Variants in NRG1 observed in about 807,000 individuals in gnomAD.
The protein encoded by NRG1 is pro-neuregulin-1, membrane-bound isoform.
NRG1 carries 18 observed loss-of-function variants against 63.8 expected under a neutral mutation model. That is an observed-to-expected ratio of 0.28 (90% CI 0.19 to 0.42). The LOEUF (loss-of-function observed/expected upper bound fraction) is 0.42, where lower values mean the gene tolerates loss of function less well. Among genes scored for constraint, NRG1 ranks in the 10% least tolerant of loss-of-function variants. The pLI, the probability that NRG1 is intolerant of heterozygous loss-of-function variation, is 1.00. For missense variants in NRG1, 762 were observed against 814.7 expected (o/e 0.94, Z 0.79); for synonymous variants, 302 against 301.3 (o/e 1.00, Z -0.02).
At chr8:32,629,251 A>G (rs1421580310) in intron 5 of NRG1, among the ~76,000 whole-genome samples, 1 of 152,092 alleles carries the variant, frequency 6.6e-6, no homozygotes, top group Non-Finnish European at 1.5e-5. Context: ...ACTATCTTCT[A>G]GTCCCCAGCA....
chr8:31,817,288 T>A (rs1823549702), intron 1 of NRG1, among the ~76,000 whole-genome samples: 1 of 152,248 alleles, frequency 6.6e-6, no homozygotes, highest in Non-Finnish European at 1.5e-5. Flanking sequence ...TTCTGCTGTC[T>A]CACAGAGACT....
At chr8:32,568,113 A>G (rs986404663) in intron 1 of NRG1, among the ~76,000 whole-genome samples, 1 of 152,212 alleles carries the variant, frequency 6.6e-6, no homozygotes, top group East Asian at 1.9e-4. Context: ...GCAGAAAATA[A>G]TATGGTTAGG....
At chr8:32,033,379 C>A (rs1818572803) in intron 1 of NRG1, among the ~76,000 whole-genome samples, 1 of 152,148 alleles carries the variant, frequency 6.6e-6, no homozygotes, top group Non-Finnish European at 1.5e-5. Context: ...AGTTGTATAG[C>A]ATGATGCCTC....
intron 1 of NRG1, among the ~76,000 whole-genome samples, chr8:31,912,284 T>C (rs1833007632): frequency 6.6e-6 from 1 of 152,222 alleles, no homozygotes; most frequent in Non-Finnish European, 1.5e-5. Context: ...TGCACCATCT[T>C]ACTTTTTGGT....
intron 1 of NRG1, among the ~76,000 whole-genome samples, chr8:32,183,654 T>A (rs1020073308): frequency 1.3e-5 from 2 of 152,204 alleles, no homozygotes; most frequent in African/African-American, 4.8e-5. Flanking sequence ...AGCCTTCAGG[T>A]TAATAAATTT....
intron 1 of NRG1, among the ~76,000 whole-genome samples, chr8:32,311,138 T>C (rs147614276): frequency 1.3e-5 from 2 of 152,262 alleles, no homozygotes; most frequent in East Asian, 1.9e-4. Context: ...CATTCAGTCA[T>C]TCATTCATTC....
At chr8:32,303,597 T>C (rs1055455742) in intron 1 of NRG1, among the ~76,000 whole-genome samples, 1 of 152,236 alleles carries the variant, frequency 6.6e-6, no homozygotes, top group African/African-American at 2.4e-5. Context: ...GTGGTGCCAG[T>C]TTTATTTCAA....
intron 1 of NRG1, among the ~76,000 whole-genome samples, chr8:32,510,122 A>AATAATAATAATCATAATC (rs1554566691): frequency 6.8e-5 from 8 of 116,830 alleles, no homozygotes; most frequent in African/African-American, 2.3e-4. Flanking sequence ...TAATAATAAT[A>AATAATAATAATCATAATC]ATAATCATAA....
chr8:32,260,919 A>G (rs1251353200), intron 1 of NRG1, among the ~76,000 whole-genome samples: 1 of 152,168 alleles, frequency 6.6e-6, no homozygotes, highest in African/African-American at 2.4e-5. Context: ...TGTTACTTAC[A>G]GTTTAAGTTA....
At chr8:31,763,794 C>CA (rs1305721691) in intron 1 of NRG1, among the ~76,000 whole-genome samples, 1 of 151,966 alleles carries the variant, frequency 6.6e-6, no homozygotes, top group Non-Finnish European at 1.5e-5. Flanking sequence ...ACTAAAAATA[C>CA]AAAAAATTAG....
chr8:32,728,486 C>A (rs947825221), intron 6 of NRG1: 6 of 984,944 alleles, frequency 6.1e-6, no homozygotes, highest in Non-Finnish European at 7.2e-6. Context: ...TGATCACCTG[C>A]CAAATGAATA....
chr8:32,088,547 C>A (rs1828628981), intron 1 of NRG1, among the ~76,000 whole-genome samples: 1 of 142,256 alleles, frequency 7.0e-6, no homozygotes, highest in African/African-American at 2.6e-5. Flanking sequence ...GAGACAAAGT[C>A]TCAGTCTGTT....
At chr8:32,521,263 G>A (rs989260308) in intron 1 of NRG1, among the ~76,000 whole-genome samples, 5 of 152,106 alleles carry the variant, frequency 3.3e-5, no homozygotes, top group South Asian at 4.1e-4. Flanking sequence ...TTTTTTGTCT[G>A]TCTTTCCCTA....
chr8:32,628,733 C>T (rs926052162), intron 5 of NRG1, among the ~76,000 whole-genome samples: 5 of 138,142 alleles, frequency 3.6e-5, no homozygotes, highest in Admixed American at 7.3e-5. Context: ...ACTTTCTGCC[C>T]TTTTTTTTTT....
At chr8:32,196,118 AGTGTGTGTGT>A (rs55951634) in intron 1 of NRG1, among the ~76,000 whole-genome samples, 2 of 146,950 alleles carry the variant, frequency 1.4e-5, no homozygotes, top group South Asian at 2.2e-4. Flanking sequence ...AAAAACAATG[AGTGTGTGTGT>A]GTGTGTGTGT....
At chr8:32,093,075 G>C (rs1829412790) in intron 1 of NRG1, among the ~76,000 whole-genome samples, 1 of 152,196 alleles carries the variant, frequency 6.6e-6, no homozygotes, top group Non-Finnish European at 1.5e-5. Context: ...AGATCAGACT[G>C]TTATTGTGTC....
At chr8:32,247,062 G>T (rs1305035515) in intron 1 of NRG1, among the ~76,000 whole-genome samples, 1 of 151,634 alleles carries the variant, frequency 6.6e-6, no homozygotes, top group Non-Finnish European at 1.5e-5. Context: ...TTATCACTTT[G>T]TACCCCATAT....
At chr8:32,645,915 C>T (rs1453251389) in intron 5 of NRG1, among the ~76,000 whole-genome samples, 3 of 152,158 alleles carry the variant, frequency 2.0e-5, no homozygotes, top group Admixed American at 1.3e-4. Flanking sequence ...AGCATTGAAA[C>T]TACTGAAAGG....
At chr8:32,534,769 T>C (rs975490651) in intron 1 of NRG1, among the ~76,000 whole-genome samples, 1 of 152,162 alleles carries the variant, frequency 6.6e-6, no homozygotes, top group Non-Finnish European at 1.5e-5. Flanking sequence ...ATTCCAACGT[T>C]TCCTTTAGAA....
Sources: allele counts gnomAD v4.1 joint callset (sites outside exome capture counted in the v4.1 genomes callset), GRCh38; gene constraint gnomAD v4.1.1; transcripts MANE v1.5; gene names NCBI Gene and HGNC (gene_info 2026-07-23, HGNC 2026-07-21).